Variants in CAST observed in about 807,000 individuals in gnomAD.
CAST encodes the protein MIR583 host.
A neutral mutation model predicts 119.6 loss-of-function variants in CAST; 76 were observed. That is an observed-to-expected ratio of 0.64 (90% CI 0.53 to 0.77). CAST has a LOEUF of 0.77. Among genes scored for constraint, CAST ranks in the 30% least tolerant of loss-of-function variants. The probability of loss-of-function intolerance (pLI) is 0.00; values close to 1 mark genes in which losing one functional copy is unlikely to be tolerated. For synonymous variants in CAST, 319 were observed against 331.6 expected (o/e 0.96, Z 0.41); for missense variants, 953 against 946.5 (o/e 1.01, Z -0.09).
intron 3 of CAST, among the ~76,000 whole-genome samples, chr5:96,699,999 T>C (rs942172394): frequency 6.6e-6 from 1 of 152,186 alleles, no homozygotes. Flanking sequence ...ACTTTCGTGA[T>C]TTGGGTCCTG....
chr5:96,566,440 C>T (rs1029807908), intron 1 of CAST, among the ~76,000 whole-genome samples: 3 of 152,128 alleles, frequency 2.0e-5, no homozygotes, highest in Non-Finnish European at 4.4e-5. Flanking sequence ...ACTGATGACG[C>T]AAAATTGAAG....
chr5:96,537,469 C>T (rs748761296), intron 1 of CAST, among the ~76,000 whole-genome samples: 1 of 152,098 alleles, frequency 6.6e-6, no homozygotes, highest in Non-Finnish European at 1.5e-5. Context: ...GAGTCACATA[C>T]GTGTATGATG....
chr5:96,452,640 TAAAAAAAAAAA>T, the CAST span, among the ~76,000 whole-genome samples: 24,493 of 90,412 alleles, frequency 0.27, 2,541 homozygotes, highest in Middle Eastern at 0.47. Flanking sequence ...TAAAGTATAA[TAAAAAAAAAAA>T]AAAAAAAAAA....
At chr5:96,607,192 G>A (rs923205853) in intron 1 of CAST, among the ~76,000 whole-genome samples, 1 of 152,186 alleles carries the variant, frequency 6.6e-6, no homozygotes, top group Non-Finnish European at 1.5e-5. Flanking sequence ...AGAGGCTGAG[G>A]CAGGAGAATG....
At chr5:96,099,546 C>CT in the CAST span, among the ~76,000 whole-genome samples, 1 of 152,076 alleles carries the variant, frequency 6.6e-6, no homozygotes, top group East Asian at 1.9e-4. Context: ...GGATGCTGAA[C>CT]TTTATCAAAA....
Position 96,649,365 on chromosome 5 carries a change from A to G in CAST, c.61-26174A>G, listed in dbSNP as rs192737821. Among the ~76,000 whole-genome samples, 1,410 of 152,302 alleles carry G rather than the reference A, an allele frequency of 9.3e-3. 22 individuals are homozygous for G. Among genetic ancestry groups the G allele is most frequent in the African/African-American group, 0.032 (1,343 of 41,546 alleles). Reference sequence around the variant, plus strand: ...TTGCAGATGTTTTCTTTTAATAAGCAGGGTTAAAGTTCTTCTCTCATGAAA... The same window carrying G: ...TTGCAGATGTTTTCTTTTAATAAGCGGGGTTAAAGTTCTTCTCTCATGAAA... On this transcript the variant is annotated intron_variant, in intron 1 of 11. Transcript: ENST00000505143.
chr5:96,366,237 C>A, the CAST span, among the ~76,000 whole-genome samples: 1 of 152,086 alleles, frequency 6.6e-6, no homozygotes, highest in African/African-American at 2.4e-5. Flanking sequence ...GTAATCTGAC[C>A]TTTCTCTCTG....
upstream of CAST, among the ~76,000 whole-genome samples, chr5:96,524,661 A>G (rs528816757): frequency 6.6e-5 from 10 of 152,200 alleles, no homozygotes; most frequent in Non-Finnish European, 1.5e-4. Flanking sequence ...GGGGAACCCA[A>G]AACTAGAGCA....
At chr5:96,684,833 GT>G (rs1751881039) in intron 2 of CAST, among the ~76,000 whole-genome samples, 1 of 152,122 alleles carries the variant, frequency 6.6e-6, no homozygotes, top group Admixed American at 6.5e-5. Context: ...GACTCCCAAA[GT>G]GCTGGGATTA....
the CAST span, among the ~76,000 whole-genome samples, chr5:96,096,608 T>G: frequency 1.3e-5 from 2 of 152,248 alleles, no homozygotes; most frequent in African/African-American, 2.4e-5. Context: ...TGTTTCCATT[T>G]TATTTAGCCA....
chr5:96,413,353 G>A, the CAST span, among the ~76,000 whole-genome samples: 1 of 152,190 alleles, frequency 6.6e-6, no homozygotes, highest in Non-Finnish European at 1.5e-5. Flanking sequence ...ACAGATTACA[G>A]GCAGCTACCT....
At chr5:96,099,529 C>T in the CAST span, among the ~76,000 whole-genome samples, 2 of 152,150 alleles carry the variant, frequency 1.3e-5, no homozygotes, top group African/African-American at 4.8e-5. Flanking sequence ...GAGTTTTTAA[C>T]ATGAATGGAT....
At chr5:96,178,837 A>G in the CAST span, among the ~76,000 whole-genome samples, 1 of 152,210 alleles carries the variant, frequency 6.6e-6, no homozygotes, top group Non-Finnish European at 1.5e-5. Context: ...CTTATCTCTC[A>G]ACTTGGACAT....
chr5:96,629,984 AG>A (rs1747795464), intron 1 of CAST, among the ~76,000 whole-genome samples: 1 of 152,226 alleles, frequency 6.6e-6, no homozygotes, highest in Admixed American at 6.5e-5. Context: ...TTACAGAACA[AG>A]GCAATTCCAG....
At chr5:96,677,043 A>G (rs988958310) in intron 2 of CAST, among the ~76,000 whole-genome samples, 5 of 151,976 alleles carry the variant, frequency 3.3e-5, no homozygotes, top group South Asian at 4.1e-4. Context: ...ACAAAAAAAA[A>G]AAAAGAAAAG....
the CAST span, among the ~76,000 whole-genome samples, chr5:96,220,802 G>T: frequency 6.6e-6 from 1 of 152,064 alleles, no homozygotes. Context: ...TTTTCTGAGA[G>T]TCTTTCTTGA....
intron 2 of CAST, among the ~76,000 whole-genome samples, chr5:96,682,516 C>G (rs1751560569): frequency 6.6e-6 from 1 of 151,886 alleles, no homozygotes; most frequent in South Asian, 2.1e-4. Flanking sequence ...TCTGAATTTT[C>G]TTCTTATTCT....
At chr5:96,052,773 G>A in the CAST span, among the ~76,000 whole-genome samples, 1 of 152,206 alleles carries the variant, frequency 6.6e-6, no homozygotes, top group Non-Finnish European at 1.5e-5. Context: ...TTGGGAACAA[G>A]TGTGACATGT....
chr5:96,773,493 A>C lies in CAST; in HGVS notation c.*877A>C, dbSNP rs1014951574. 8 of 152,330 alleles carry C rather than the reference A, an allele frequency of 5.3e-5. No individual in the cohort carries two copies. The highest frequency in any genetic ancestry group is 1.9e-4 in the African/African-American group (8 of 41,448). The allele number at this position is 152,330 out of a possible 1,614,324, so 9.4% of individuals were successfully genotyped here. ...ATCTATACATAAAACCTGAGCAGCA[A>C]CTGTGTCTTTAGAGCTATTGCCACA... On this transcript the variant is annotated 3_prime_UTR_variant, in exon 32 of 32. Coordinates refer to ENST00000675179, the MANE Select transcript of CAST (RefSeq NM_001750.7).
Sources: allele counts gnomAD v4.1 joint callset (sites outside exome capture counted in the v4.1 genomes callset), GRCh38; gene constraint gnomAD v4.1.1; transcripts MANE v1.5; gene names NCBI Gene and HGNC (gene_info 2026-07-23, HGNC 2026-07-21).